The following OCA2 variants were observed in gnomAD, a reference collection of about 807,000 sequenced individuals.
The protein encoded by OCA2 is P protein.
OCA2 carries 77 observed loss-of-function variants against 100.2 expected under a neutral mutation model. That is an observed-to-expected ratio of 0.77 (90% confidence interval 0.64 to 0.93). The LOEUF is 0.93. OCA2 is among the 40% of genes least tolerant of loss of function. The pLI, the probability that OCA2 is intolerant of heterozygous loss-of-function variation, is 0.00. For missense variants in OCA2, 1,062 were observed against 1,089.1 expected (o/e 0.98, Z 0.35); for synonymous variants, 432 against 439.2 (o/e 0.98, Z 0.21).
At chr15:27,989,569 G>C (rs1177176118) in intron 11 of OCA2, 32 bp downstream of exon 11, 1 of 1,600,484 alleles carries the variant, frequency 6.2e-7, no homozygotes, top group Non-Finnish European at 8.6e-7. Context: ...CGCAGGCGTG[G>C]AGCCCAGTCC....
chr15:27,775,224 G>A (rs1269896111), intron 23 of OCA2, among the ~76,000 whole-genome samples: 2 of 152,166 alleles, frequency 1.3e-5, no homozygotes, highest in African/African-American at 4.8e-5. Flanking sequence ...CTGGCTGAGT[G>A]CGGCCTGGCG....
At chr15:27,821,003 C>T (rs745604990) in intron 23 of OCA2, among the ~76,000 whole-genome samples, 8 of 152,034 alleles carry the variant, frequency 5.3e-5, no homozygotes, top group East Asian at 3.9e-4. Context: ...GAGGTGCAGG[C>T]GCCCTCCCTC....
the OCA2 span, among the ~76,000 whole-genome samples, chr15:27,722,436 C>T: frequency 6.6e-6 from 1 of 152,204 alleles, no homozygotes; most frequent in Admixed American, 6.5e-5. Context: ...GTGCCTCTCT[C>T]CTGCACCCAA....
chr15:27,843,814 A>G (rs2035431723), intron 23 of OCA2, among the ~76,000 whole-genome samples: 1 of 152,144 alleles, frequency 6.6e-6, no homozygotes, highest in South Asian at 2.1e-4. Flanking sequence ...TCACCTGGGT[A>G]TGATGGCCAG....
At chr15:28,096,155 CT>C (rs1475893996) in intron 1 of OCA2, among the ~76,000 whole-genome samples, 1 of 147,320 alleles carries the variant, frequency 6.8e-6, no homozygotes, top group Non-Finnish European at 1.5e-5. Context: ...CGGGAGGTGG[CT>C]GGTCTCGGGG....
chr15:27,752,836 C>T (rs2030119418), downstream of OCA2, among the ~76,000 whole-genome samples: 2 of 143,438 alleles, frequency 1.4e-5, no homozygotes, highest in Non-Finnish European at 3.0e-5. Context: ...CAGCTGCCTC[C>T]TCTCACTGGC....
chr15:27,792,157 C>T lies in OCA2; in HGVS notation c.2433-36685G>A, dbSNP rs951469510. Among the ~76,000 whole-genome samples, 5 of 152,228 alleles carry T rather than the reference C, an allele frequency of 3.3e-5. No individual in the cohort carries two copies. In the East Asian group the frequency reaches 5.8e-4, roughly 18 times the overall value. On this transcript the variant is annotated intron_variant, in intron 23 of 23. Coordinates refer to ENST00000354638, the MANE Select transcript of OCA2 (RefSeq NM_000275.3). Reference sequence around the variant, plus strand: ...ACCCAAAAAGATACACAATGAACATCGCAGCCTTATATGGGCTTAAAGTAG... The same window carrying T: ...ACCCAAAAAGATACACAATGAACATTGCAGCCTTATATGGGCTTAAAGTAG...
At chr15:27,874,216 G>A (rs2036696468) in intron 19 of OCA2, among the ~76,000 whole-genome samples, 1 of 152,128 alleles carries the variant, frequency 6.6e-6, no homozygotes. Context: ...GGTTTTCCAA[G>A]GAATCTCTCT....
chr15:27,849,540 T>TAA (rs10624460), intron 22 of OCA2, among the ~76,000 whole-genome samples: 2,560 of 148,586 alleles, frequency 0.017, 36 homozygotes, highest in African/African-American at 0.02. Context: ...TCAGACCAGT[T>TAA]AAAAAAAAAA....
intron 23 of OCA2, among the ~76,000 whole-genome samples, chr15:27,770,263 T>G (rs1189404167): frequency 6.6e-6 from 1 of 152,100 alleles, no homozygotes; most frequent in East Asian, 1.9e-4. Context: ...TCCGCAGGCC[T>G]CCTGGTCGCG....
chr15:27,791,705 G>T (rs1047007712), intron 23 of OCA2, among the ~76,000 whole-genome samples: 2 of 152,170 alleles, frequency 1.3e-5, no homozygotes, highest in African/African-American at 4.8e-5. Flanking sequence ...TGTGGATCCT[G>T]AGGAGAAGCA....
intron 21 of OCA2, among the ~76,000 whole-genome samples, chr15:27,862,523 G>A (rs1281792005): frequency 1.3e-5 from 2 of 148,904 alleles, no homozygotes; most frequent in Non-Finnish European, 3.0e-5. Flanking sequence ...CGCCCAGACT[G>A]GAGTGAAGTG....
chr15:27,828,062 T>A (rs1390575663), intron 23 of OCA2, among the ~76,000 whole-genome samples: 2 of 152,064 alleles, frequency 1.3e-5, no homozygotes, highest in Non-Finnish European at 2.9e-5. Flanking sequence ...AATGGCAGAG[T>A]AGAAAATTAA....
At chr15:27,799,594 A>C (rs947715564) in intron 23 of OCA2, among the ~76,000 whole-genome samples, 2 of 151,990 alleles carry the variant, frequency 1.3e-5, no homozygotes, top group African/African-American at 4.8e-5. Context: ...AAAATACAAA[A>C]ATTAGCTGGG....
At chr15:27,916,066 T>C (rs1009610105) in intron 19 of OCA2, among the ~76,000 whole-genome samples, 2 of 152,134 alleles carry the variant, frequency 1.3e-5, no homozygotes, top group Non-Finnish European at 2.9e-5. Context: ...CTGGAAACCA[T>C]TGTCCTTAGC....
intron 23 of OCA2, among the ~76,000 whole-genome samples, chr15:27,813,014 T>C (rs1193138658): frequency 6.6e-6 from 1 of 152,096 alleles, no homozygotes; most frequent in Non-Finnish European, 1.5e-5. Flanking sequence ...CCTGCACCAG[T>C]GTCCTACCGC....
chr15:28,020,472 T>C (rs185090429), intron 6 of OCA2, among the ~76,000 whole-genome samples: 35 of 151,944 alleles, frequency 2.3e-4, no homozygotes, highest in Admixed American at 3.9e-4. Context: ...TGGGTCAGCC[T>C]GGCAGCCGGT....
chr15:27,821,843 G>A (rs12437997), intron 23 of OCA2, among the ~76,000 whole-genome samples: 22,621 of 151,994 alleles, frequency 0.15, 2,520 homozygotes, highest in East Asian at 0.54. Flanking sequence ...ACACATGCTC[G>A]CATATGCACA....
At chr15:27,891,741 G>A (rs1328527004) in intron 19 of OCA2, among the ~76,000 whole-genome samples, 3 of 152,104 alleles carry the variant, frequency 2.0e-5, no homozygotes, top group Non-Finnish European at 4.4e-5. Context: ...GGATATGAAA[G>A]AGCAACTTTA....
Sources: allele counts gnomAD v4.1 joint callset (sites outside exome capture counted in the v4.1 genomes callset), GRCh38; gene constraint gnomAD v4.1.1; transcripts MANE v1.5; gene names NCBI Gene and HGNC (gene_info 2026-07-23, HGNC 2026-07-21).